The following REDIC1 variants were observed in gnomAD, a reference collection of about 807,000 sequenced individuals.
REDIC1 encodes HEI10 Interacting Protein 1.
At chr12:39,714,138 C>T in the REDIC1 span, among the ~76,000 whole-genome samples, 2 of 147,578 alleles carry the variant, frequency 1.4e-5, no homozygotes, top group African/African-American at 5.1e-5. Flanking sequence ...TATGTACATA[C>T]GTATATATGT....
chr12:39,814,498 T>C, the REDIC1 span, among the ~76,000 whole-genome samples: 5 of 152,198 alleles, frequency 3.3e-5, no homozygotes, highest in Non-Finnish European at 7.4e-5. Flanking sequence ...AACACTGTTA[T>C]AATTGTATAC....
the REDIC1 span, among the ~76,000 whole-genome samples, chr12:39,851,256 CA>C: frequency 6.6e-6 from 1 of 151,970 alleles, no homozygotes; most frequent in Admixed American, 6.6e-5. Flanking sequence ...CATTTGTTTC[CA>C]AAATGGACAA....
At chr12:39,735,537 G>A in the REDIC1 span, among the ~76,000 whole-genome samples, 4 of 152,322 alleles carry the variant, frequency 2.6e-5, no homozygotes, top group East Asian at 7.7e-4. Context: ...ATATAAAGAA[G>A]CCAGAACTTA....
chr12:39,702,746 G>C, the REDIC1 span, among the ~76,000 whole-genome samples: 1 of 152,072 alleles, frequency 6.6e-6, no homozygotes, highest in South Asian at 2.1e-4. Flanking sequence ...ATGATGAAGT[G>C]GACTTCATCC....
chr12:39,878,696 A>AT, the REDIC1 span, among the ~76,000 whole-genome samples: 1 of 152,258 alleles, frequency 6.6e-6, no homozygotes, highest in Admixed American at 6.5e-5. Flanking sequence ...TAGGCAGAGC[A>AT]TAAAAATTTG....
At chr12:39,844,545 A>G in the REDIC1 span, among the ~76,000 whole-genome samples, 5 of 152,100 alleles carry the variant, frequency 3.3e-5, no homozygotes, top group Non-Finnish European at 5.9e-5. Flanking sequence ...TTAGAAAAGA[A>G]AGCATTCATA....
the REDIC1 span, among the ~76,000 whole-genome samples, chr12:39,744,866 T>C: frequency 6.6e-6 from 1 of 152,142 alleles, no homozygotes; most frequent in Non-Finnish European, 1.5e-5. Context: ...CAAAAGTTAA[T>C]GGTCTAAACA....
the REDIC1 span, among the ~76,000 whole-genome samples, chr12:39,731,418 G>A: frequency 2.0e-5 from 3 of 152,260 alleles, no homozygotes; most frequent in East Asian, 5.8e-4. Flanking sequence ...TCTGCTGCAG[G>A]TCTGCTGGAG....
At chr12:39,636,567 C>T in the REDIC1 span, among the ~76,000 whole-genome samples, 8 of 151,956 alleles carry the variant, frequency 5.3e-5, no homozygotes, top group South Asian at 6.2e-4. Flanking sequence ...TTCAGTGTCA[C>T]GAAACCATAA....
the REDIC1 span, among the ~76,000 whole-genome samples, chr12:39,872,652 G>T: frequency 1.1e-4 from 16 of 152,306 alleles, no homozygotes; most frequent in Admixed American, 2.0e-4. Context: ...GTTTGTTGAT[G>T]CACAATGGAA....
At chr12:39,763,596 A>G in the REDIC1 span, among the ~76,000 whole-genome samples, 3 of 152,052 alleles carry the variant, frequency 2.0e-5, no homozygotes, top group African/African-American at 7.2e-5. Flanking sequence ...AAGAGAAATG[A>G]TAAGTGGCCA....
the REDIC1 span, among the ~76,000 whole-genome samples, chr12:39,776,268 T>TGC: frequency 1.4e-4 from 1 of 7,216 alleles, no homozygotes; most frequent in African/African-American, 4.8e-4. Flanking sequence ...ATATTTATAC[T>TGC]ACACACTGCT....
At chr12:39,720,667 T>A in the REDIC1 span, 3 of 809,118 alleles carry the variant, frequency 3.7e-6, no homozygotes, top group South Asian at 3.4e-5. Flanking sequence ...CTTGCCAAAC[T>A]CTCTTCTGTA....
chr12:39,719,303 A>T, the REDIC1 span, among the ~76,000 whole-genome samples: 1 of 152,160 alleles, frequency 6.6e-6, no homozygotes, highest in Non-Finnish European at 1.5e-5. Context: ...GCATAAACAC[A>T]TTATAATAAG....
the REDIC1 span, among the ~76,000 whole-genome samples, chr12:39,876,268 C>T: frequency 2.6e-5 from 4 of 152,134 alleles, no homozygotes; most frequent in Admixed American, 6.6e-5. Flanking sequence ...CTGACTCACA[C>T]AAAACAGAAA....
the REDIC1 span, among the ~76,000 whole-genome samples, chr12:39,705,472 T>A: frequency 1.3e-5 from 2 of 152,092 alleles, no homozygotes; most frequent in African/African-American, 4.8e-5. Context: ...CAAGGCAATG[T>A]ATTAACCTGA....
the REDIC1 span, among the ~76,000 whole-genome samples, chr12:39,841,759 T>C: frequency 1.3e-5 from 2 of 152,042 alleles, no homozygotes; most frequent in African/African-American, 2.4e-5. Context: ...TAACTAATCT[T>C]CTCTGGTGAC....
chr12:39,767,346 A>T, the REDIC1 span, among the ~76,000 whole-genome samples: 5 of 151,994 alleles, frequency 3.3e-5, no homozygotes, highest in East Asian at 9.7e-4. Flanking sequence ...AGTGGCTTAA[A>T]ATATTCTCCA....
the REDIC1 span, among the ~76,000 whole-genome samples, chr12:39,749,209 T>A: frequency 6.6e-6 from 1 of 151,866 alleles, no homozygotes; most frequent in East Asian, 1.9e-4. Flanking sequence ...AAGAATCAAA[T>A]AGACACAACA....
Sources: gnomAD v4.1 joint callset for allele counts (sites outside exome capture counted in the v4.1 genomes callset) on GRCh38, gnomAD v4.1.1 for gene constraint, MANE v1.5 for transcripts, NCBI Gene and HGNC (gene_info 2026-07-23, HGNC 2026-07-21) for gene names.